The following VAT1L variants were observed in gnomAD, a reference collection of about 807,000 sequenced individuals.
The protein encoded by VAT1L is putative NADPH-dependent quinone oxidoreductase VAT1L.
VAT1L carries 34 observed loss-of-function variants against 44.1 expected under a neutral mutation model. The ratio of observed to expected loss-of-function variants is 0.77; its 90% CI spans 0.59 to 1.03. VAT1L has a LOEUF of 1.03. Among genes scored for constraint, VAT1L ranks in the 50% least tolerant of loss-of-function variants. The pLI is 0.00. For missense variants in VAT1L, 615 were observed against 538.8 expected, an observed-to-expected ratio of 1.14 and a Z score of -1.40; for synonymous variants, 253 against 202.2, an observed-to-expected ratio of 1.25 and a Z score of -2.13.
intron 7 of VAT1L, among the ~76,000 whole-genome samples, chr16:77,908,774 C>T (rs1030058471): frequency 6.6e-6 from 1 of 151,858 alleles, no homozygotes; most frequent in African/African-American, 2.4e-5. Context: ...ATTAGCCGGA[C>T]GTGGTGGCAG....
intron 7 of VAT1L, among the ~76,000 whole-genome samples, chr16:77,888,869 G>T (rs1323448448): frequency 6.6e-6 from 1 of 152,192 alleles, no homozygotes; most frequent in Non-Finnish European, 1.5e-5. Flanking sequence ...TAGCAAGATA[G>T]TCCTCCATAG....
intron 2 of VAT1L, among the ~76,000 whole-genome samples, chr16:77,824,381 C>T (rs1039745635): frequency 2.6e-5 from 4 of 152,176 alleles, no homozygotes; most frequent in Non-Finnish European, 4.4e-5. Context: ...TTCATTAAAT[C>T]AGTTGTATTA....
chr16:77,952,953 T>G (rs1290072929), intron 7 of VAT1L, among the ~76,000 whole-genome samples: 1 of 151,596 alleles, frequency 6.6e-6, no homozygotes, highest in Non-Finnish European at 1.5e-5. Flanking sequence ...TGTGACTTTA[T>G]TTGGAAACGG....
At chr16:77,969,582 G>C (rs1183975354) in intron 7 of VAT1L, among the ~76,000 whole-genome samples, 1 of 152,100 alleles carries the variant, frequency 6.6e-6, no homozygotes, top group Non-Finnish European at 1.5e-5. Flanking sequence ...GAAGCATCAA[G>C]AGTTAGAGAA....
At chr16:77,962,731 A>AAGGAAGGAAGGAAGGAAGGAAG (rs1567523591) in intron 7 of VAT1L, among the ~76,000 whole-genome samples, 1 of 46,618 alleles carries the variant, frequency 2.1e-5, no homozygotes, top group East Asian at 5.4e-4. Flanking sequence ...AAAGAAGGAA[A>AAGGAAGGAAGGAAGGAAGGAAG]GAAGGAAAGA....
chr16:77,817,874 C>T (rs972655065), intron 2 of VAT1L, among the ~76,000 whole-genome samples: 9 of 152,122 alleles, frequency 5.9e-5, no homozygotes, highest in Non-Finnish European at 1.3e-4. Flanking sequence ...TTACTCATAA[C>T]TAAGTGCTCC....
In VAT1L at chr16:77,897,122, A is replaced by G. The variant is rs536623381; in HGVS notation, c.1077+12320A>G. Among the ~76,000 whole-genome samples the G allele has an allele frequency of 3.2e-4, 49 of 152,326 alleles. No individual in the cohort carries two copies. The South Asian group carries it at 1.0e-2, about 31-fold the overall frequency. The stretch of plus-strand genomic sequence containing the variant: ...CTTTATTTGCTAGACTAAGTAGATA[A>G]CTGTGCTGCAGACCAAGATTCTTGA... On this transcript the variant is annotated intron_variant, in intron 7 of 8. Transcript: ENST00000302536.
intron 7 of VAT1L, among the ~76,000 whole-genome samples, chr16:77,914,602 T>G (rs1490703813): frequency 6.6e-6 from 1 of 152,254 alleles, no homozygotes; most frequent in East Asian, 1.9e-4. Flanking sequence ...TACAGTTCAT[T>G]GAATGAAATT....
intron 7 of VAT1L, among the ~76,000 whole-genome samples, chr16:77,968,940 T>C (rs1426245537): frequency 1.3e-5 from 2 of 152,002 alleles, no homozygotes; most frequent in African/African-American, 4.8e-5. Context: ...TGCCTCAGCC[T>C]CCCAAGCAGC....
chr16:77,870,806 C>T (rs558387911), intron 4 of VAT1L, among the ~76,000 whole-genome samples: 18 of 152,278 alleles, frequency 1.2e-4, no homozygotes, highest in African/African-American at 3.4e-4. Flanking sequence ...CCCCAGAAAC[C>T]GGAGTCAGGG....
intron 7 of VAT1L, among the ~76,000 whole-genome samples, chr16:77,904,471 T>C (rs2017419460): frequency 6.6e-6 from 1 of 152,212 alleles, no homozygotes; most frequent in Non-Finnish European, 1.5e-5. Flanking sequence ...TGTCTCTGGC[T>C]TGTGGACAGC....
chr16:77,911,125 A>G (rs914508929), intron 7 of VAT1L, among the ~76,000 whole-genome samples: 1 of 152,338 alleles, frequency 6.6e-6, no homozygotes, highest in Admixed American at 6.5e-5. Context: ...TGTACCACCC[A>G]GTAAGACCAG....
Position 77,851,863 on chromosome 16 carries a change from C to T in VAT1L, c.580-10885C>T, listed in dbSNP as rs553406672. On this transcript the variant is annotated intron_variant, in intron 3 of 8. Transcript: ENST00000302536. ...TGCCTGACTCCAAAGTCCATATTGT[C>T]GTGTTTCCCCAGTGCTGAGCGCCAT... Among the ~76,000 whole-genome samples, 15 of 152,220 alleles carry T rather than the reference C, an allele frequency of 9.9e-5. No homozygotes were observed. In the East Asian group the frequency reaches 2.9e-3, roughly 29 times the overall value.
intron 3 of VAT1L, among the ~76,000 whole-genome samples, chr16:77,854,132 GA>G (rs796642195): frequency 9.8e-4 from 138 of 141,530 alleles, no homozygotes; most frequent in Admixed American, 2.1e-3. Context: ...TGTCTCAAAC[GA>G]AAAAAAAAAA....
intron 7 of VAT1L, among the ~76,000 whole-genome samples, chr16:77,893,901 C>T (rs1166690516): frequency 6.6e-6 from 1 of 152,170 alleles, no homozygotes; most frequent in Non-Finnish European, 1.5e-5. Context: ...AAATGCTTAG[C>T]ATAGCATGTT....
intron 3 of VAT1L, among the ~76,000 whole-genome samples, chr16:77,862,502 G>T (rs559697608): frequency 5.9e-5 from 9 of 152,018 alleles, no homozygotes; most frequent in African/African-American, 2.2e-4. Flanking sequence ...TGTAGTCCCA[G>T]CTACTTGGGA....
chr16:77,802,217 T>G (rs1050497075), intron 1 of VAT1L, among the ~76,000 whole-genome samples: 3 of 152,184 alleles, frequency 2.0e-5, no homozygotes, highest in African/African-American at 7.2e-5. Flanking sequence ...CTAGTCATCT[T>G]TTTTCCTTTT....
intron 7 of VAT1L, among the ~76,000 whole-genome samples, chr16:77,935,065 C>A (rs1330940716): frequency 6.6e-6 from 1 of 152,138 alleles, no homozygotes; most frequent in Non-Finnish European, 1.5e-5. Flanking sequence ...TTGGGCAGGT[C>A]TCTTCTGTCT....
chr16:77,934,887 G>A (rs1463353120), intron 7 of VAT1L, among the ~76,000 whole-genome samples: 1 of 152,144 alleles, frequency 6.6e-6, no homozygotes. Context: ...GCAGGGCCCG[G>A]TCTGGTGGAT....
Sources: allele counts gnomAD v4.1 joint callset (sites outside exome capture counted in the v4.1 genomes callset), GRCh38; gene constraint gnomAD v4.1.1; transcripts MANE v1.5; gene names NCBI Gene and HGNC (gene_info 2026-07-23, HGNC 2026-07-21).